TTLL1: variants seen among roughly 807,000 people sequenced by gnomAD.
TTLL1 encodes the protein polyglutamylase complex subunit TTLL1.
A neutral mutation model predicts 47.8 loss-of-function variants in TTLL1; 33 were observed. The observed-to-expected ratio is 0.69, with a 90% CI of 0.52 to 0.92. TTLL1 has a LOEUF of 0.92. Ranked by LOEUF, TTLL1 falls within the 40% of genes least tolerant of loss-of-function variation. The probability of loss-of-function intolerance (pLI) is 0.00; values close to 1 mark genes in which losing one functional copy is unlikely to be tolerated. For synonymous variants in TTLL1, 225 were observed against 214.1 expected (o/e 1.05, Z -0.45); for missense variants, 488 against 547.5 (o/e 0.89, Z 1.08).
intron 9 of TTLL1, among the ~76,000 whole-genome samples, chr22:43,048,414 C>G (rs1478139755): frequency 6.6e-6 from 1 of 150,758 alleles, no homozygotes; most frequent in Non-Finnish European, 1.5e-5. Context: ...GTGGAGGGAT[C>G]GCTTGAAGCT....
intron 5 of TTLL1, among the ~76,000 whole-genome samples, chr22:43,066,247 C>T (rs538543610): frequency 2.6e-5 from 4 of 151,720 alleles, no homozygotes; most frequent in East Asian, 1.9e-4. Flanking sequence ...GCTGGCAACA[C>T]GCTCCCGGCC....
rs531950837 is a variant in TTLL1 at position 43,046,055 on chromosome 22, T to TA, written c.1142+354dup. Among the ~76,000 whole-genome samples the TA allele has an allele frequency of 3.4e-3, 514 of 152,140 alleles. 1 individual carries two copies. Among genetic ancestry groups the TA allele is most frequent in the African/African-American group, 0.012 (502 of 41,508 alleles). On this transcript the variant is annotated intron_variant, in intron 10 of 10. Coordinates refer to ENST00000266254, the MANE Select transcript of TTLL1 (RefSeq NM_012263.5). ...GGCCAACGTGGTGAAACCCTGTCTA[T>TA]ACTAAAAATACAAAAATTAGCCAGG...
At position 43,059,429 on chromosome 22, in the gene TTLL1, G is replaced by T. The variant is rs768299826; in HGVS notation, c.846C>A (p.Phe282Leu). Residue 282 changes from phenylalanine to leucine, a missense_variant, in exon 8 of 11, where the codon TTC (phenylalanine) becomes TTA (leucine). Coordinates refer to ENST00000266254, the MANE Select transcript of TTLL1 (RefSeq NM_012263.5). Reference sequence around the variant, plus strand: ...GCACGATGATCCAGTGGATCTCGTCGAACAGCTTGCTGGTCACCTCCTTGC... The same window carrying T: ...GCACGATGATCCAGTGGATCTCGTCTAACAGCTTGCTGGTCACCTCCTTGC... ...TRGKEVTSKL[F>L]DEIHWIIVQS... 2 of 1,613,900 alleles carry T rather than the reference G, an allele frequency of 1.2e-6. No homozygotes were observed. Among genetic ancestry groups the T allele is most frequent in the Non-Finnish European group, 1.7e-6 (2 of 1,179,988 alleles).
rs185839722 is a variant in TTLL1, at chr22:43,058,007, G to A, written c.891+1377C>T. On this transcript the variant is annotated intron_variant, in intron 8 of 10. Coordinates refer to ENST00000266254, the MANE Select transcript of TTLL1 (RefSeq NM_012263.5). ...TCGCCAGGCTGGAGTGCAGTGGTACGATCTCGGCTCACTGCAAGCTCTGCC... is the reference window on the plus strand; with the variant it reads ...TCGCCAGGCTGGAGTGCAGTGGTACAATCTCGGCTCACTGCAAGCTCTGCC... Among the ~76,000 whole-genome samples, 1,058 of 150,680 alleles carry A rather than the reference G, an allele frequency of 7.0e-3. 9 individuals are homozygous for A. Among genetic ancestry groups the A allele is most frequent in the African/African-American group, 0.024 (1,003 of 40,964 alleles).
At position 43,045,730 on chromosome 22, in the gene TTLL1, C is replaced by T. The variant is rs552245737; in HGVS notation, c.1142+680G>A. On this transcript the variant is annotated intron_variant, in intron 10 of 10. Transcript: ENST00000266254. ...GAGCCCAGGTGACCCGTGAGAAACA[C>T]GCACTCCACCCAGCCTACTCCAGCT... Among the ~76,000 whole-genome samples, 9 of 152,018 alleles carry T rather than the reference C, an allele frequency of 5.9e-5. No homozygotes were observed. In the South Asian group the frequency reaches 1.9e-3, roughly 31 times the overall value.
At chr22:43,055,454 G>C (rs977834929) in intron 8 of TTLL1, among the ~76,000 whole-genome samples, 10 of 151,892 alleles carry the variant, frequency 6.6e-5, no homozygotes, top group Admixed American at 6.6e-4. Context: ...AGGTCAGCCT[G>C]CCCAGTAGCT....
rs1272259046 is a variant in TTLL1, at chr22:43,069,793, C to T, written c.165G>A (p.Arg55=). 6.2e-7 allele frequency: 1 copy of T among 1,614,190 alleles called. No individual in the cohort carries two copies. The highest frequency in any genetic ancestry group is 8.5e-7 in the Non-Finnish European group (1 of 1,180,036). ...GGTTGACTATTTGGTCATCTGAGAGCCGATATCCAGCTTCAACGCTGAACA... is the reference window on the plus strand; with the variant it reads ...GGTTGACTATTTGGTCATCTGAGAGTCGATATCCAGCTTCAACGCTGAACA... ...RNVFSVEAGY[R]LSDDQIVNHF... is the part of the protein sequence containing the mutation. Residue 55 remains arginine, a synonymous_variant, in exon 4 of 11, where the codon CGG becomes CGA. Transcript: ENST00000266254.
At chr22:43,084,650 C>T (rs182302085) in intron 1 of TTLL1, among the ~76,000 whole-genome samples, 7 of 151,812 alleles carry the variant, frequency 4.6e-5, no homozygotes, top group African/African-American at 7.2e-5. Flanking sequence ...TACAGGCGCC[C>T]GCCACCACGC....
chr22:43,070,132 C>T lies in TTLL1; in HGVS notation c.114-288G>A, dbSNP rs73889023. On this transcript the variant is annotated intron_variant, in intron 3 of 10. Coordinates refer to ENST00000266254, the MANE Select transcript of TTLL1 (RefSeq NM_012263.5). ...AGATGTTTATTGATTAGTGATAACA[C>T]GGATTAATGATAACACTGTCAACAA... 2,596 of 1,402,786 alleles carry T rather than the reference C, an allele frequency of 1.9e-3. 44 individuals carry two copies. In the African/African-American group the frequency reaches 0.033, roughly 18 times the overall value. The allele number at this position is 1,402,786 out of a possible 1,614,324, so 86.9% of individuals were successfully genotyped here.
chr22:43,064,038 T>A (rs1927565992), intron 6 of TTLL1, 117 bp from the exon 7 acceptor site: 6 of 1,480,890 alleles, frequency 4.1e-6, no homozygotes, highest in Non-Finnish European at 5.6e-6. Context: ...CACATCGGCA[T>A]CGGGCCTGAC....
At chr22:43,046,691 C>CA (rs1926164915) in intron 9 of TTLL1, 118 bp from the exon 10 acceptor site, 1 of 1,201,674 alleles carries the variant, frequency 8.3e-7, no homozygotes, top group Admixed American at 2.3e-5. Flanking sequence ...TTTTTTGAGA[C>CA]AGAGTTTCGC....
intron 3 of TTLL1, among the ~76,000 whole-genome samples, chr22:43,072,310 C>T (rs1005511594): frequency 1.3e-5 from 2 of 151,892 alleles, no homozygotes; most frequent in Admixed American, 6.6e-5. Flanking sequence ...CTCGCCACCA[C>T]GCCCGGATAA....
intron 10 of TTLL1, 150 bp from the exon 11 acceptor site, chr22:43,040,055 C>T: frequency 1.9e-6 from 2 of 1,055,492 alleles, no homozygotes; most frequent in Non-Finnish European, 2.7e-6. Flanking sequence ...TCCCGCCCAC[C>T]TCCCACCTGG....
intron 3 of TTLL1, 58 bp from the exon 4 acceptor site, chr22:43,069,902 T>C: frequency 6.3e-7 from 1 of 1,595,242 alleles, no homozygotes; most frequent in Non-Finnish European, 8.5e-7. Flanking sequence ...CAGAAGTCCT[T>C]TGTTCCCGTC....
At chr22:43,088,431 G>C (rs1473822391) in intron 1 of TTLL1, among the ~76,000 whole-genome samples, 1 of 144,598 alleles carries the variant, frequency 6.9e-6, no homozygotes, top group Non-Finnish European at 1.5e-5. Context: ...CCGCCTCCCG[G>C]GTTCACGCCA....
chr22:43,047,479 GT>G (rs1926234810), intron 9 of TTLL1, among the ~76,000 whole-genome samples: 2 of 151,898 alleles, frequency 1.3e-5, no homozygotes, highest in East Asian at 1.9e-4. Flanking sequence ...ACTTTTTTTG[GT>G]TTTTTTGAGA....
intron 4 of TTLL1, 112 bp downstream of exon 4, chr22:43,069,524 G>A (rs184885216): frequency 7.2e-6 from 11 of 1,536,622 alleles, no homozygotes; most frequent in Admixed American, 1.9e-5. Flanking sequence ...ACCACAACTC[G>A]CATGGACATG....
chr22:43,050,908 T>C (rs1007693066), intron 9 of TTLL1, among the ~76,000 whole-genome samples: 12 of 152,318 alleles, frequency 7.9e-5, no homozygotes, highest in African/African-American at 2.4e-4. Flanking sequence ...TTTGGCGGCA[T>C]AAGGAGTTGC....
chr22:43,044,489 T>C (rs1426117091), intron 10 of TTLL1, among the ~76,000 whole-genome samples: 3 of 152,088 alleles, frequency 2.0e-5, no homozygotes, highest in Non-Finnish European at 4.4e-5. Flanking sequence ...GCCTGACGTC[T>C]CTGTGTGTGT....
Sources: allele counts gnomAD v4.1 joint callset (sites outside exome capture counted in the v4.1 genomes callset), GRCh38; gene constraint gnomAD v4.1.1; transcripts MANE v1.5; gene names NCBI Gene and HGNC (gene_info 2026-07-23, HGNC 2026-07-21).